CADPS2: variants seen among roughly 807,000 people sequenced by gnomAD.
CADPS2 encodes the protein calcium dependent secretion activator 2, also known as calcium-dependent secretion activator 2.
In CADPS2, 93 loss-of-function variants were observed where a neutral mutation model predicts 172.5. The observed-to-expected ratio is 0.54, with a 90% CI of 0.46 to 0.64. The LOEUF (loss-of-function observed/expected upper bound fraction) is 0.64. Ranked by LOEUF, CADPS2 falls within the 30% of genes least tolerant of loss-of-function variation. The probability of loss-of-function intolerance (pLI) is 0.00; values close to 1 mark genes in which losing one functional copy is unlikely to be tolerated. For synonymous variants in CADPS2, 546 were observed against 555.2 expected (o/e 0.98, Z 0.23); for missense variants, 1,420 against 1,565.9 (o/e 0.91, Z 1.57).
intron 14 of CADPS2, among the ~76,000 whole-genome samples, chr7:122,458,153 G>A (rs187077395): frequency 2.0e-4 from 31 of 152,302 alleles, no homozygotes; most frequent in South Asian, 8.3e-4. Context: ...AAAGTGAGAA[G>A]GGGAGAGACA....
At chr7:122,870,664 G>C (rs1225574597) in intron 1 of CADPS2, among the ~76,000 whole-genome samples, 1 of 152,042 alleles carries the variant, frequency 6.6e-6, no homozygotes, top group Admixed American at 6.6e-5. Context: ...AGTTGGTGAG[G>C]TGATGGATAT....
intron 8 of CADPS2, among the ~76,000 whole-genome samples, chr7:122,542,164 GA>G (rs2063166045): frequency 1.3e-5 from 2 of 152,010 alleles, no homozygotes; most frequent in African/African-American, 4.8e-5. Context: ...TTTTACAGGG[GA>G]AGAAGGGAGG....
chr7:122,722,783 T>C (rs1009145041), intron 2 of CADPS2, among the ~76,000 whole-genome samples: 6 of 150,598 alleles, frequency 4.0e-5, no homozygotes, highest in African/African-American at 1.5e-4. Flanking sequence ...CAAACTATAC[T>C]ACAAGGCTAC....
At chr7:122,726,962 AGTAATCCT>A (rs1015186261) in intron 2 of CADPS2, among the ~76,000 whole-genome samples, 1 of 151,996 alleles carries the variant, frequency 6.6e-6, no homozygotes, top group Non-Finnish European at 1.5e-5. Flanking sequence ...TTAATGAAGG[AGTAATCCT>A]GTAAAATGGA....
At chr7:122,538,359 T>C (rs1263612269) in intron 8 of CADPS2, among the ~76,000 whole-genome samples, 11 of 148,502 alleles carry the variant, frequency 7.4e-5, no homozygotes, top group Admixed American at 7.3e-4. Flanking sequence ...TAATTAGGTT[T>C]TTTGTTTTTT....
intron 1 of CADPS2, among the ~76,000 whole-genome samples, chr7:122,828,872 C>T (rs1805697764): frequency 6.6e-6 from 1 of 152,146 alleles, no homozygotes; most frequent in Non-Finnish European, 1.5e-5. Flanking sequence ...AATGCTAGGT[C>T]AGGGTGGACT....
chr7:122,759,853 G>GGAAGAA (rs1372208305), intron 1 of CADPS2, among the ~76,000 whole-genome samples: 1 of 151,984 alleles, frequency 6.6e-6, no homozygotes, highest in African/African-American at 2.4e-5. Context: ...AGCTAGCAAA[G>GGAAGAA]GAAGAAGCAA....
rs139174564 is a variant in CADPS2 at position 122,727,844 on chromosome 7, A to G, written c.453+9111T>C. 9.9e-5 allele frequency among the ~76,000 whole-genome samples: 15 copies of G among 152,112 alleles called. No homozygotes were observed. The East Asian group carries it at 2.5e-3, about 26-fold the overall frequency. ...TAATTTAAAATGCCATCCTTAGAAT[A>G]TAAGAAAATATGAAGTGAAACACAA... is the stretch of plus-strand genomic sequence containing the variant. On this transcript the variant is annotated intron_variant, in intron 2 of 29. Coordinates refer to ENST00000449022, the MANE Select transcript of CADPS2 (RefSeq NM_017954.11).
rs1445690849 is a variant in CADPS2 at position 122,490,133 on chromosome 7, T to C, written c.1800A>G (p.Gln600=). The C allele has an allele frequency of 6.8e-6, 11 of 1,613,362 alleles. No homozygotes were observed. Among genetic ancestry groups the C allele is most frequent in the South Asian group, 1.1e-5 (1 of 91,078 alleles). The change falls in exon 11 of 30, where the codon CAA becomes CAG. Residue 600 remains glutamine, a synonymous_variant. Transcript: ENST00000449022. ...CTCCTTTAGGATTCAGTTTCTGGGT[T>C]TGAATTGCAGGAACTGGTTTATATG... ...GQSYKPVPAI[Q]TQKLNPKGGT...
Position 122,320,130 on chromosome 7 carries a change from C to A in CADPS2, c.*35G>T. 6.6e-7 allele frequency: 1 copy of A among 1,506,268 alleles called. No individual in the cohort carries two copies. The highest frequency in any genetic ancestry group is 1.3e-5 in the South Asian group (1 of 75,012). 93.3% of individuals were successfully genotyped at this position (1,506,268 alleles called of 1,614,324 possible). On this transcript the variant is annotated 3_prime_UTR_variant, in exon 30 of 30. Transcript: ENST00000449022. ...TAAAAAAATAAAAAACAATGTCGAT[C>A]AAGGTCTTCCTTCCTTCTGCAAAGC...
At chr7:122,543,308 T>C (rs2063291315) in intron 8 of CADPS2, among the ~76,000 whole-genome samples, 1 of 152,178 alleles carries the variant, frequency 6.6e-6, no homozygotes, top group African/African-American at 2.4e-5. Flanking sequence ...TAGTCTATGC[T>C]ATTTGGTTAA....
At chr7:122,469,967 T>G (rs1387608073) in intron 14 of CADPS2, among the ~76,000 whole-genome samples, 2 of 152,128 alleles carry the variant, frequency 1.3e-5, no homozygotes, top group African/African-American at 4.8e-5. Context: ...ATATTTGACT[T>G]TTTAAAACTG....
intron 14 of CADPS2, among the ~76,000 whole-genome samples, chr7:122,456,339 C>T (rs6971450): frequency 0.44 from 66,959 of 151,496 alleles, 15,306 homozygotes; most frequent in African/African-American, 0.55. Flanking sequence ...AACTCTATGA[C>T]GATAATTAAA....
chr7:122,715,907 C>G (rs558667303), intron 2 of CADPS2, among the ~76,000 whole-genome samples: 1 of 152,058 alleles, frequency 6.6e-6, no homozygotes, highest in Admixed American at 6.6e-5. Flanking sequence ...ATCTACAATT[C>G]AATATGAAAA....
At chr7:122,415,967 A>T (rs2047856756) in intron 18 of CADPS2, 94 bp downstream of exon 18, 2 of 650,394 alleles carry the variant, frequency 3.1e-6, no homozygotes, top group Non-Finnish European at 5.0e-6. Flanking sequence ...TCAGATATGT[A>T]TCAAGACTAT....
chr7:122,661,731 G>C (rs1371022482), intron 3 of CADPS2, among the ~76,000 whole-genome samples: 2 of 152,122 alleles, frequency 1.3e-5, no homozygotes, highest in Non-Finnish European at 2.9e-5. Flanking sequence ...GAAAAAATAT[G>C]TTTTTTCGCT....
intron 8 of CADPS2, among the ~76,000 whole-genome samples, chr7:122,550,639 A>G (rs1290795644): frequency 6.6e-6 from 1 of 152,168 alleles, no homozygotes; most frequent in Non-Finnish European, 1.5e-5. Flanking sequence ...GAATTAGGAA[A>G]ATAATTTTAT....
chr7:122,397,651 T>C (rs926630594), intron 20 of CADPS2, among the ~76,000 whole-genome samples: 11 of 152,162 alleles, frequency 7.2e-5, no homozygotes, highest in Non-Finnish European at 1.5e-4. Context: ...TCAGACACTG[T>C]CAAAAGGCCC....
At chr7:122,433,130 T>C (rs1331852911) in intron 17 of CADPS2, among the ~76,000 whole-genome samples, 7 of 151,270 alleles carry the variant, frequency 4.6e-5, no homozygotes, top group Non-Finnish European at 7.4e-5. Context: ...TGCGCTACTA[T>C]ACTTGGCTAT....
Sources: gnomAD v4.1 joint callset for allele counts (sites outside exome capture counted in the v4.1 genomes callset) on GRCh38, gnomAD v4.1.1 for gene constraint, MANE v1.5 for transcripts, NCBI Gene and HGNC (gene_info 2026-07-23, HGNC 2026-07-21) for gene names.